The following NALF1 variants were observed in gnomAD, a reference collection of about 807,000 sequenced individuals.
NALF1 encodes the protein family with sequence similarity 155 member A.
NALF1 carries 3 observed loss-of-function variants against 48.4 expected under a neutral mutation model. The ratio of observed to expected loss-of-function variants is 0.06; its 90% CI spans 0.03 to 0.16. The LOEUF is 0.16. Ranked by LOEUF, NALF1 falls within the 10% of genes least tolerant of loss-of-function variation. The pLI is 1.00. For missense variants in NALF1, 526 were observed against 571.5 expected, an observed-to-expected ratio of 0.92 and a Z score of 0.81; for synonymous variants, 262 against 245.7, an observed-to-expected ratio of 1.07 and a Z score of -0.62.
chr13:107,356,938 T>C (rs72638403), intron 1 of NALF1, among the ~76,000 whole-genome samples: 29,380 of 152,160 alleles, frequency 0.19, 3,084 homozygotes, highest in East Asian at 0.41. Flanking sequence ...CTGCTTTATC[T>C]GGGCCTTTAC....
In NALF1 at chr13:107,166,006, A is replaced by ATGTGTGTGTGTGTG. The variant is rs71204815; in HGVS notation, c.*4477_*4490dup. 5.7e-4 allele frequency: 84 copies of ATGTGTGTGTGTGTG among 146,210 alleles called. No homozygotes were observed. The highest frequency in any genetic ancestry group is 2.0e-3 in the African/African-American group (80 of 39,570). 9.1% of individuals were successfully genotyped at this position (146,210 alleles called of 1,614,324 possible). ...TTGGTTGAAGTTTTATTTGCAAGCG[A>ATGTGTGTGTGTGTG]TGTGTGTGTGTGTGTGTGTGTGTGT... is the stretch of plus-strand genomic sequence containing the variant. On this transcript the variant is annotated 3_prime_UTR_variant, in exon 3 of 3. Coordinates refer to ENST00000375915, the MANE Select transcript of NALF1 (RefSeq NM_001080396.3).
chr13:107,831,902 GT>G (rs1239828099), intron 1 of NALF1, among the ~76,000 whole-genome samples: 1 of 151,986 alleles, frequency 6.6e-6, no homozygotes, highest in Non-Finnish European at 1.5e-5. Context: ...CATTCTTTTA[GT>G]TTGTAAAGAC....
chr13:107,673,749 TATACATTGC>T (rs768194784), intron 1 of NALF1, among the ~76,000 whole-genome samples: 29 of 152,192 alleles, frequency 1.9e-4, no homozygotes, highest in Non-Finnish European at 3.7e-4. Context: ...ATGTGATCAC[TATACATTGC>T]ATGTATCAAA....
At position 107,641,322 on chromosome 13, in the gene NALF1, A is replaced by C. The variant is rs1022106145; in HGVS notation, c.915+224360T>G. 3.3e-5 allele frequency among the ~76,000 whole-genome samples: 5 copies of C among 152,282 alleles called. No individual in the cohort carries two copies. In the East Asian group the frequency reaches 9.7e-4, roughly 29 times the overall value. ...GAAAATACCATTCGATACAAGGAGT[A>C]AGTTCTAGTATTCAACAGCACAGTA... On this transcript the variant is annotated intron_variant, in intron 1 of 2. Transcript: ENST00000375915.
At chr13:107,720,169 T>C (rs1232809422) in intron 1 of NALF1, among the ~76,000 whole-genome samples, 1 of 152,228 alleles carries the variant, frequency 6.6e-6, no homozygotes, top group East Asian at 1.9e-4. Flanking sequence ...ACATGACTTA[T>C]CTGCCTTAAT....
At chr13:107,557,795 G>A (rs1463139446) in intron 1 of NALF1, among the ~76,000 whole-genome samples, 1 of 152,106 alleles carries the variant, frequency 6.6e-6, no homozygotes, top group Non-Finnish European at 1.5e-5. Flanking sequence ...AAAAATACAA[G>A]TGAAAAAGCA....
At chr13:107,740,342 G>T (rs756024849) in intron 1 of NALF1, among the ~76,000 whole-genome samples, 6 of 152,164 alleles carry the variant, frequency 3.9e-5, no homozygotes, top group Non-Finnish European at 5.9e-5. Context: ...AGATGTAATA[G>T]AATCAGAAGA....
chr13:107,302,841 C>T (rs1379579909), intron 1 of NALF1, among the ~76,000 whole-genome samples: 21 of 152,122 alleles, frequency 1.4e-4, no homozygotes, highest in Non-Finnish European at 3.1e-4. Flanking sequence ...CTCTCTCTCT[C>T]ACTCTCTCAC....
chr13:107,367,387 G>C (rs1490371905), intron 1 of NALF1, among the ~76,000 whole-genome samples: 1 of 152,168 alleles, frequency 6.6e-6, no homozygotes, highest in African/African-American at 2.4e-5. Context: ...TGACCTGAAT[G>C]TGGTCATTCT....
At chr13:107,349,475 G>T (rs578109710) in intron 1 of NALF1, among the ~76,000 whole-genome samples, 45 of 152,234 alleles carry the variant, frequency 3.0e-4, no homozygotes, top group African/African-American at 1.0e-3. Context: ...GGGTGCAGTG[G>T]CTCACACCTG....
intron 1 of NALF1, among the ~76,000 whole-genome samples, chr13:107,261,524 G>A (rs543714020): frequency 5.9e-5 from 9 of 152,182 alleles, no homozygotes; most frequent in Non-Finnish European, 1.3e-4. Context: ...AAGTTCAAGG[G>A]TACTCATAGG....
chr13:107,530,836 T>C (rs1032898602), intron 1 of NALF1, among the ~76,000 whole-genome samples: 1 of 152,124 alleles, frequency 6.6e-6, no homozygotes, highest in African/African-American at 2.4e-5. Flanking sequence ...TGAACTATTT[T>C]CACCATTCTC....
intron 1 of NALF1, among the ~76,000 whole-genome samples, chr13:107,219,967 G>A (rs1470169453): frequency 1.3e-5 from 2 of 152,138 alleles, no homozygotes; most frequent in Non-Finnish European, 2.9e-5. Context: ...AATGCTTTTG[G>A]TATGTATCTA....
At chr13:107,299,465 TAATAATAAATA>T (rs757320432) in intron 1 of NALF1, among the ~76,000 whole-genome samples, 62 of 118,386 alleles carry the variant, frequency 5.2e-4, no homozygotes, top group East Asian at 2.1e-3. Flanking sequence ...ATAATAATAA[TAATAATAAATA>T]AATAAATAAA....
intron 1 of NALF1, among the ~76,000 whole-genome samples, chr13:107,436,762 A>C (rs1430484754): frequency 6.6e-6 from 1 of 152,184 alleles, no homozygotes; most frequent in Admixed American, 6.6e-5. Context: ...AAAAAAGCAT[A>C]AAGTTTAGAA....
intron 1 of NALF1, among the ~76,000 whole-genome samples, chr13:107,597,472 A>G (rs1878787395): frequency 6.6e-6 from 1 of 152,142 alleles, no homozygotes; most frequent in African/African-American, 2.4e-5. Flanking sequence ...GACAGTGACA[A>G]TGCATGAATT....
At chr13:107,790,805 T>G (rs1355858223) in intron 1 of NALF1, among the ~76,000 whole-genome samples, 2 of 152,146 alleles carry the variant, frequency 1.3e-5, no homozygotes, top group African/African-American at 4.8e-5. Flanking sequence ...GGGCCTTATT[T>G]TAGAGGTCTT....
chr13:107,291,191 T>G (rs1029468510), intron 1 of NALF1, among the ~76,000 whole-genome samples: 1 of 151,910 alleles, frequency 6.6e-6, no homozygotes, highest in Non-Finnish European at 1.5e-5. Context: ...TTCTTTATTC[T>G]GGAAGTTGAT....
At chr13:107,591,466 T>G (rs1160194682) in intron 1 of NALF1, among the ~76,000 whole-genome samples, 1 of 152,068 alleles carries the variant, frequency 6.6e-6, no homozygotes, top group African/African-American at 2.4e-5. Context: ...AGATTTTTAC[T>G]TACTTTATTA....
Sources: allele counts gnomAD v4.1 joint callset (sites outside exome capture counted in the v4.1 genomes callset), GRCh38; gene constraint gnomAD v4.1.1; transcripts MANE v1.5; gene names NCBI Gene and HGNC (gene_info 2026-07-23, HGNC 2026-07-21).